Variants in REDIC1 observed in about 807,000 individuals in gnomAD.
REDIC1 encodes HEI10 Interacting Protein 1.
At chr12:39,863,964 C>T in the REDIC1 span, among the ~76,000 whole-genome samples, 275 of 152,258 alleles carry the variant, frequency 1.8e-3, 1 homozygote, top group Admixed American at 4.0e-3. Flanking sequence ...CTATTTCAAG[C>T]TAAAGGAATA....
the REDIC1 span, among the ~76,000 whole-genome samples, chr12:39,876,476 TCTG>T: frequency 2.0e-5 from 3 of 152,246 alleles, no homozygotes; most frequent in Admixed American, 6.5e-5. Flanking sequence ...AAAATAATTG[TCTG>T]CTGGTTTATT....
chr12:39,780,634 A>AGTT, the REDIC1 span, among the ~76,000 whole-genome samples: 1 of 152,230 alleles, frequency 6.6e-6, no homozygotes, highest in African/African-American at 2.4e-5. Flanking sequence ...ATGAGCTAGA[A>AGTT]GTTAAAATAT....
At chr12:39,843,849 C>A in the REDIC1 span, among the ~76,000 whole-genome samples, 1 of 151,958 alleles carries the variant, frequency 6.6e-6, no homozygotes, top group Non-Finnish European at 1.5e-5. Flanking sequence ...GGCTGCTATA[C>A]CAGCTCAACT....
chr12:39,698,467 G>C, the REDIC1 span, among the ~76,000 whole-genome samples: 2 of 152,112 alleles, frequency 1.3e-5, no homozygotes, highest in African/African-American at 2.4e-5. Context: ...TGAAAAACCA[G>C]ACTTCATCTG....
chr12:39,654,513 G>A, the REDIC1 span, among the ~76,000 whole-genome samples: 13 of 152,016 alleles, frequency 8.6e-5, no homozygotes, highest in African/African-American at 1.7e-4. Flanking sequence ...GTGTGAACCC[G>A]GCAGGCGGAG....
the REDIC1 span, among the ~76,000 whole-genome samples, chr12:39,737,527 A>G: frequency 6.6e-6 from 1 of 152,230 alleles, no homozygotes; most frequent in Non-Finnish European, 1.5e-5. Context: ...ATTTATCATA[A>G]CTATGTAGGA....
At chr12:39,768,071 C>A in the REDIC1 span, among the ~76,000 whole-genome samples, 1 of 152,094 alleles carries the variant, frequency 6.6e-6, no homozygotes, top group Non-Finnish European at 1.5e-5. Flanking sequence ...CTTGACGCAG[C>A]TTCTCCATCA....
the REDIC1 span, among the ~76,000 whole-genome samples, chr12:39,710,725 T>A: frequency 6.6e-6 from 1 of 151,800 alleles, no homozygotes; most frequent in Non-Finnish European, 1.5e-5. Flanking sequence ...GCCTACTACT[T>A]TTGTATCTTC....
At chr12:39,695,571 C>T in the REDIC1 span, among the ~76,000 whole-genome samples, 1 of 152,000 alleles carries the variant, frequency 6.6e-6, no homozygotes, top group Non-Finnish European at 1.5e-5. Context: ...GTAAGCTCAG[C>T]CCCAGTAAAA....
the REDIC1 span, chr12:39,643,853 T>C: frequency 6.3e-7 from 1 of 1,576,984 alleles, no homozygotes; most frequent in Non-Finnish European, 8.7e-7. Flanking sequence ...AAAATTCTGC[T>C]GTCAGCTTAG....
chr12:39,861,618 A>G, the REDIC1 span, among the ~76,000 whole-genome samples: 1 of 152,206 alleles, frequency 6.6e-6, no homozygotes, highest in Non-Finnish European at 1.5e-5. Context: ...GGAATAGAAC[A>G]TTAGTAATTT....
At chr12:39,631,474 G>A in the REDIC1 span, among the ~76,000 whole-genome samples, 31 of 151,564 alleles carry the variant, frequency 2.0e-4, no homozygotes, top group African/African-American at 7.5e-4. Context: ...TTTTTTTGTA[G>A]AAGAACAGAA....
the REDIC1 span, among the ~76,000 whole-genome samples, chr12:39,890,053 C>G: frequency 6.6e-6 from 1 of 152,012 alleles, no homozygotes; most frequent in Non-Finnish European, 1.5e-5. Flanking sequence ...TGGGTAGAAA[C>G]CCGATAATCT....
the REDIC1 span, chr12:39,758,320 TCTC>T: frequency 6.6e-6 from 1 of 151,920 alleles, no homozygotes; most frequent in Non-Finnish European, 1.5e-5. Context: ...TCAGCTGTAT[TCTC>T]AGCTTGATAA....
chr12:39,719,622 A>G, the REDIC1 span, among the ~76,000 whole-genome samples: 4 of 151,370 alleles, frequency 2.6e-5, no homozygotes, highest in Non-Finnish European at 5.9e-5. Flanking sequence ...TCAAAAAAAT[A>G]AAAAAAAATC....
At chr12:39,785,684 G>A in the REDIC1 span, among the ~76,000 whole-genome samples, 1,348 of 152,270 alleles carry the variant, frequency 8.9e-3, 15 homozygotes, top group African/African-American at 0.03. Flanking sequence ...GCCAGCCCGT[G>A]AAAGCAGCCA....
At chr12:39,745,512 T>A in the REDIC1 span, among the ~76,000 whole-genome samples, 1 of 152,216 alleles carries the variant, frequency 6.6e-6, no homozygotes, top group Non-Finnish European at 1.5e-5. Flanking sequence ...ATAGGATTTT[T>A]GTGAGGATAG....
chr12:39,712,816 C>CATATGTGTGTATGTGTATACAT, the REDIC1 span, among the ~76,000 whole-genome samples: 1 of 144,338 alleles, frequency 6.9e-6, no homozygotes, highest in Admixed American at 6.9e-5. Flanking sequence ...TACTCGTATA[C>CATATGTGTGTATGTGTATACAT]ATGTGTGTAT....
chr12:39,822,215 C>T, the REDIC1 span, among the ~76,000 whole-genome samples: 18 of 152,032 alleles, frequency 1.2e-4, no homozygotes, highest in East Asian at 3.5e-3. Flanking sequence ...TGATGATTTC[C>T]AAGATAACGT....
Sources: gnomAD v4.1 joint callset for allele counts (sites outside exome capture counted in the v4.1 genomes callset) on GRCh38, gnomAD v4.1.1 for gene constraint, MANE v1.5 for transcripts, NCBI Gene and HGNC (gene_info 2026-07-23, HGNC 2026-07-21) for gene names.